RASSF3: variants seen among roughly 807,000 people sequenced by gnomAD.
RASSF3 encodes the protein Ras association domain family member 3, also known as ras association domain-containing protein 3.
A neutral mutation model predicts 19.9 loss-of-function variants in RASSF3; 19 were observed. The observed-to-expected ratio is 0.96, with a 90% CI of 0.67 to 1.40. RASSF3 has a LOEUF of 1.40. Ranked by LOEUF, RASSF3 falls within the 40% of genes most tolerant of loss-of-function variation. The pLI, the probability that RASSF3 is intolerant of heterozygous loss-of-function variation, is 0.00. For synonymous variants in RASSF3, 110 were observed against 104.2 expected (o/e 1.06, Z -0.34); for missense variants, 306 against 289.8 (o/e 1.06, Z -0.41).
At chr12:64,510,990 T>TTAGATCTCTC (rs1868325087) in intron 1 of RASSF3, among the ~76,000 whole-genome samples, 1 of 152,234 alleles carries the variant, frequency 6.6e-6, no homozygotes, top group South Asian at 2.1e-4. Context: ...AGCAAGTCAC[T>TTAGATCTCTC]TAGATCTCTC....
At chr12:64,552,181 G>T (rs891007828) in intron 2 of RASSF3, among the ~76,000 whole-genome samples, 5 of 152,080 alleles carry the variant, frequency 3.3e-5, no homozygotes, top group South Asian at 2.1e-4. Flanking sequence ...GAGCCAGGGC[G>T]CTTGGCTAGA....
At chr12:64,629,078 G>A (rs1871085030) in intron 1 of RASSF3, among the ~76,000 whole-genome samples, 1 of 151,060 alleles carries the variant, frequency 6.6e-6, no homozygotes. Context: ...GGGATCACAG[G>A]TGCAGACCAC....
At chr12:64,617,982 A>G (rs1870612458) in intron 1 of RASSF3, among the ~76,000 whole-genome samples, 1 of 152,222 alleles carries the variant, frequency 6.6e-6, no homozygotes, top group South Asian at 2.1e-4. Flanking sequence ...ATCATCTTCA[A>G]GGTTAGAAAA....
At chr12:64,518,032 CT>C (rs1868397718) in intron 1 of RASSF3, among the ~76,000 whole-genome samples, 1 of 152,042 alleles carries the variant, frequency 6.6e-6, no homozygotes, top group Non-Finnish European at 1.5e-5. Context: ...CTTTTACTCT[CT>C]GTTATTTTTA....
At chr12:64,641,096 G>C (rs567113380) in intron 1 of RASSF3, among the ~76,000 whole-genome samples, 1 of 152,030 alleles carries the variant, frequency 6.6e-6, no homozygotes, top group Non-Finnish European at 1.5e-5. Flanking sequence ...ATGTGACTTA[G>C]AGCTTTAAAA....
chr12:64,541,538 C>T (rs1868934006), intron 1 of RASSF3: 2 of 398,102 alleles, frequency 5.0e-6, no homozygotes, highest in South Asian at 1.3e-4. Flanking sequence ...GAACAGAGAA[C>T]GACACAGACC....
At chr12:64,524,522 C>T (rs1868544616) in intron 1 of RASSF3, among the ~76,000 whole-genome samples, 1 of 152,102 alleles carries the variant, frequency 6.6e-6, no homozygotes, top group African/African-American at 2.4e-5. Context: ...AGCTTTGACT[C>T]TCAGCTGTTG....
At chr12:64,572,968 C>G (rs2136131006) in intron 2 of RASSF3, among the ~76,000 whole-genome samples, 1 of 152,350 alleles carries the variant, frequency 6.6e-6, no homozygotes, top group East Asian at 1.9e-4. Flanking sequence ...CTCCTGACCT[C>G]AAGTGATCCT....
chr12:64,680,822 G>A (rs1241090694), intron 1 of RASSF3, among the ~76,000 whole-genome samples: 1 of 152,080 alleles, frequency 6.6e-6, no homozygotes, highest in East Asian at 1.9e-4. Context: ...ATGTTGGCCA[G>A]GCTGGTCTCA....
At chr12:64,600,060 A>T (rs1473121898) in intron 2 of RASSF3, among the ~76,000 whole-genome samples, 1 of 149,512 alleles carries the variant, frequency 6.7e-6, no homozygotes, top group Non-Finnish European at 1.5e-5. Context: ...AAAAAAGAAT[A>T]GTGCCTGATA....
intron 1 of RASSF3, among the ~76,000 whole-genome samples, chr12:64,517,714 G>T (rs190256185): frequency 2.0e-5 from 3 of 151,920 alleles, no homozygotes; most frequent in Admixed American, 2.0e-4. Flanking sequence ...AACCTCCTGG[G>T]CTCAAGCGAT....
chr12:64,649,687 CTT>C (rs1374399851), intron 1 of RASSF3, among the ~76,000 whole-genome samples: 1 of 152,190 alleles, frequency 6.6e-6, no homozygotes, highest in African/African-American at 2.4e-5. Flanking sequence ...TCGAAAAGAT[CTT>C]GTTTCCAAAG....
chr12:64,586,400 G>A (rs1869801257), intron 2 of RASSF3, among the ~76,000 whole-genome samples: 2 of 137,332 alleles, frequency 1.5e-5, no homozygotes, highest in South Asian at 4.8e-4. Context: ...TGACACACGA[G>A]AATCACTTAA....
At chr12:64,578,877 G>A (rs1027769672) in intron 2 of RASSF3, among the ~76,000 whole-genome samples, 1 of 152,158 alleles carries the variant, frequency 6.6e-6, no homozygotes, top group African/African-American at 2.4e-5. Flanking sequence ...GGGCATGGTG[G>A]CTCATGCCTG....
intron 1 of RASSF3, among the ~76,000 whole-genome samples, chr12:64,660,444 T>C (rs1309542444): frequency 6.6e-6 from 1 of 152,210 alleles, no homozygotes; most frequent in Non-Finnish European, 1.5e-5. Flanking sequence ...CTGAGAAGTC[T>C]GTATTGCCCA....
chr12:64,585,324 A>G (rs1869776574), intron 2 of RASSF3, among the ~76,000 whole-genome samples: 1 of 152,202 alleles, frequency 6.6e-6, no homozygotes, highest in African/African-American at 2.4e-5. Context: ...GATTCTTGGA[A>G]CTGAGACTCT....
chr12:64,530,471 G>C (rs1247469381), upstream of RASSF3, among the ~76,000 whole-genome samples: 1 of 151,970 alleles, frequency 6.6e-6, no homozygotes, highest in Non-Finnish European at 1.5e-5. Flanking sequence ...CTATTTTCCT[G>C]TTGATGGACA....
intron 1 of RASSF3, among the ~76,000 whole-genome samples, chr12:64,669,324 A>G (rs1872623586): frequency 6.6e-6 from 1 of 152,150 alleles, no homozygotes; most frequent in Non-Finnish European, 1.5e-5. Context: ...ATTGTCCCAG[A>G]ATGTGTGAAA....
chr12:64,662,450 C>T (rs752365939), intron 1 of RASSF3, among the ~76,000 whole-genome samples: 1 of 151,022 alleles, frequency 6.6e-6, no homozygotes, highest in Non-Finnish European at 1.5e-5. Context: ...AGATAAATGC[C>T]TAGATATCTG....
Sources: gnomAD v4.1 joint callset for allele counts (sites outside exome capture counted in the v4.1 genomes callset) on GRCh38, gnomAD v4.1.1 for gene constraint, MANE v1.5 for transcripts, NCBI Gene and HGNC (gene_info 2026-07-23, HGNC 2026-07-21) for gene names.